Variants in SYNDIG1L observed in about 807,000 individuals in gnomAD.
SYNDIG1L encodes the protein synapse differentiation inducing 1 like, also known as synapse differentiation-inducing gene protein 1-like.
Under a neutral mutation model 20.1 loss-of-function variants are expected in SYNDIG1L, and 13 were observed. The observed-to-expected ratio is 0.65, with a 90% CI of 0.42 to 1.03. The LOEUF (loss-of-function observed/expected upper bound fraction) is 1.03. Ranked by LOEUF, SYNDIG1L falls within the 50% of genes least tolerant of loss-of-function variation. The probability of loss-of-function intolerance (pLI) is 0.00; values close to 1 mark genes in which losing one functional copy is unlikely to be tolerated. For missense variants in SYNDIG1L, 294 were observed against 305.1 expected (o/e 0.96, Z 0.27); for synonymous variants, 128 against 129.3 (o/e 0.99, Z 0.07).
the SYNDIG1L span, among the ~76,000 whole-genome samples, chr14:74,434,970 C>A: frequency 2.7e-5 from 4 of 149,372 alleles, no homozygotes; most frequent in Non-Finnish European, 4.4e-5. Flanking sequence ...GTAGTCCCAG[C>A]TGCTCGGGAG....
chr14:74,414,112 C>A (rs2086155432), intron 1 of SYNDIG1L, among the ~76,000 whole-genome samples: 1 of 152,196 alleles, frequency 6.6e-6, no homozygotes, highest in Non-Finnish European at 1.5e-5. Context: ...CAGAGCAGAG[C>A]AATTATCATC....
At chr14:74,418,593 T>C (rs2086196396) in intron 1 of SYNDIG1L, among the ~76,000 whole-genome samples, 1 of 152,222 alleles carries the variant, frequency 6.6e-6, no homozygotes, top group South Asian at 2.1e-4. Context: ...GGCTTGCAAC[T>C]GCTTCAACCA....
intron 1 of SYNDIG1L, among the ~76,000 whole-genome samples, chr14:74,417,333 AG>A (rs2086184974): frequency 6.6e-6 from 1 of 152,152 alleles, no homozygotes; most frequent in Non-Finnish European, 1.5e-5. Flanking sequence ...CACCTTGAGG[AG>A]GGTTGCTGTG....
chr14:74,439,535 T>C, the SYNDIG1L span, among the ~76,000 whole-genome samples: 5 of 152,156 alleles, frequency 3.3e-5, no homozygotes, highest in African/African-American at 4.8e-5. Context: ...TAGTTAACTA[T>C]GCTGTGAAAT....
chr14:74,466,621 C>T, the SYNDIG1L span, among the ~76,000 whole-genome samples: 1 of 152,200 alleles, frequency 6.6e-6, no homozygotes, highest in Non-Finnish European at 1.5e-5. Flanking sequence ...GAACAAGGGG[C>T]TGCTGCTGGG....
chr14:74,431,236 CGT>C, the SYNDIG1L span, among the ~76,000 whole-genome samples: 2 of 151,304 alleles, frequency 1.3e-5, no homozygotes, highest in African/African-American at 2.4e-5. Flanking sequence ...TTTGCATGTG[CGT>C]GTGTGTGTGT....
chr14:74,420,806 G>A (rs1412600239), intron 1 of SYNDIG1L, among the ~76,000 whole-genome samples: 1 of 152,178 alleles, frequency 6.6e-6, no homozygotes, highest in Non-Finnish European at 1.5e-5. Context: ...GAGATAAAGA[G>A]CAGATGAGAT....
At chr14:74,426,744 C>T (rs1004764157), upstream of SYNDIG1L, among the ~76,000 whole-genome samples, 5 of 147,624 alleles carry the variant, frequency 3.4e-5, no homozygotes, top group South Asian at 8.9e-4. Context: ...TCCCCCTTCC[C>T]CCTCCAATTT....
At position 74,405,990 on chromosome 14, in the gene SYNDIG1L, C is replaced by T. The variant is rs1014221088; in HGVS notation, c.*1545G>A. 6 of 398,662 alleles carry T rather than the reference C, an allele frequency of 1.5e-5. No individual in the cohort carries two copies. The highest frequency in any genetic ancestry group is 4.4e-5 in the Admixed American group (1 of 22,704). 24.7% of individuals were successfully genotyped at this position (398,662 alleles called of 1,614,324 possible). ...CAGGAGTGGAGGGCTGGGCAGTGCC[C>T]GAGGCAGGGGAGGACAGTGGGACAA... On this transcript the variant is annotated 3_prime_UTR_variant, in exon 4 of 4. Transcript: ENST00000331628.
At chr14:74,454,501 G>A in the SYNDIG1L span, among the ~76,000 whole-genome samples, 1 of 152,236 alleles carries the variant, frequency 6.6e-6, no homozygotes, top group African/African-American at 2.4e-5. Flanking sequence ...AGTGGCCAGA[G>A]AGCAGCCCTG....
intron 2 of SYNDIG1L, among the ~76,000 whole-genome samples, chr14:74,408,751 T>G (rs1158409089): frequency 1.3e-5 from 2 of 152,166 alleles, no homozygotes; most frequent in African/African-American, 4.8e-5. Context: ...TATAAAACTA[T>G]GTACAGCAAG....
At chr14:74,465,305 G>A in the SYNDIG1L span, among the ~76,000 whole-genome samples, 1 of 152,204 alleles carries the variant, frequency 6.6e-6, no homozygotes, top group Admixed American at 6.5e-5. Flanking sequence ...TTGATTCAGA[G>A]TTCAGTTAGG....
chr14:74,461,803 G>A, the SYNDIG1L span, among the ~76,000 whole-genome samples: 9 of 149,128 alleles, frequency 6.0e-5, no homozygotes, highest in Non-Finnish European at 3.0e-5. Context: ...AAACAAGGCC[G>A]GGTGCAGTGG....
chr14:74,442,143 A>C, the SYNDIG1L span, among the ~76,000 whole-genome samples: 1 of 152,134 alleles, frequency 6.6e-6, no homozygotes, highest in African/African-American at 2.4e-5. Context: ...TTCATTCTAC[A>C]AATATCTGTT....
chr14:74,446,710 C>G, the SYNDIG1L span, among the ~76,000 whole-genome samples: 11 of 151,852 alleles, frequency 7.2e-5, no homozygotes, highest in African/African-American at 2.7e-4. Context: ...TCTGCCTTCC[C>G]AGCTCAAGCA....
rs576162923 is a variant in SYNDIG1L at position 74,421,682 on chromosome 14, C to T, written c.-58+4230G>A. Reference sequence around the variant, plus strand: ...TGCCTGGCTGCTGGATGTATGGAGTCGAAGCCCTAGGTAGTGTTCAGGGCG... The same window carrying T: ...TGCCTGGCTGCTGGATGTATGGAGTTGAAGCCCTAGGTAGTGTTCAGGGCG... On this transcript the variant is annotated intron_variant, in intron 1 of 3. Transcript: ENST00000331628. 4.6e-5 allele frequency among the ~76,000 whole-genome samples: 7 copies of T among 152,048 alleles called. No individual in the cohort carries two copies. In the East Asian group the frequency reaches 5.8e-4, roughly 13 times the overall value.
intron 1 of SYNDIG1L, among the ~76,000 whole-genome samples, chr14:74,417,896 C>T (rs555079550): frequency 3.9e-5 from 6 of 152,196 alleles, no homozygotes; most frequent in African/African-American, 1.4e-4. Context: ...GGGGTAGCTG[C>T]CTAGATAACC....
chr14:74,426,964 G>A (rs2086271725), upstream of SYNDIG1L, among the ~76,000 whole-genome samples: 1 of 151,968 alleles, frequency 6.6e-6, no homozygotes, highest in African/African-American at 2.4e-5. Flanking sequence ...GACAAAATGA[G>A]ATGACATACG....
the SYNDIG1L span, chr14:74,476,436 G>C: frequency 9.0e-7 from 1 of 1,105,544 alleles, no homozygotes; most frequent in Non-Finnish European, 1.3e-6. Context: ...TGCTAGAAGG[G>C]AGCCGTCCTT....
Sources: gnomAD v4.1 joint callset for allele counts (sites outside exome capture counted in the v4.1 genomes callset) on GRCh38, gnomAD v4.1.1 for gene constraint, MANE v1.5 for transcripts, NCBI Gene and HGNC (gene_info 2026-07-23, HGNC 2026-07-21) for gene names.